The following B4GALT1 variants were observed in gnomAD, a reference collection of about 807,000 sequenced individuals.
B4GALT1 encodes the protein N-acetyllactosamine synthase.
B4GALT1 carries 16 observed loss-of-function variants against 34.9 expected under a neutral mutation model. That is an observed-to-expected ratio of 0.46 (90% confidence interval 0.31 to 0.70). The LOEUF (loss-of-function observed/expected upper bound fraction) is 0.70. Among genes scored for constraint, B4GALT1 ranks in the 30% least tolerant of loss-of-function variants. The pLI, the probability that B4GALT1 is intolerant of heterozygous loss-of-function variation, is 0.05. For synonymous variants in B4GALT1, 221 were observed against 218.1 expected (o/e 1.01, Z -0.12); for missense variants, 445 against 530.5 (o/e 0.84, Z 1.58).
At chr9:33,126,239 T>G (rs557636770) in intron 2 of B4GALT1, among the ~76,000 whole-genome samples, 34 of 152,150 alleles carry the variant, frequency 2.2e-4, no homozygotes, top group African/African-American at 8.2e-4. Context: ...CATGAAACAG[T>G]AACAGATCAG....
intron 4 of B4GALT1, among the ~76,000 whole-genome samples, chr9:33,114,231 T>C (rs1373672958): frequency 6.6e-6 from 1 of 152,208 alleles, no homozygotes; most frequent in Non-Finnish European, 1.5e-5. Flanking sequence ...GGAAGAAGCA[T>C]AGAGTTTGTA....
downstream of B4GALT1, among the ~76,000 whole-genome samples, chr9:33,108,458 A>AG: frequency 6.6e-6 from 1 of 151,736 alleles, no homozygotes; most frequent in Middle Eastern, 3.4e-3. Context: ...AAAAAAAAAA[A>AG]AAAAAATTCT....
At chr9:33,105,876 G>A (rs888973666), downstream of B4GALT1, among the ~76,000 whole-genome samples, 7 of 112,290 alleles carry the variant, frequency 6.2e-5, no homozygotes, top group Non-Finnish European at 9.3e-5. Flanking sequence ...CAATGGACTC[G>A]TGGGTTTTTT....
At chr9:33,114,312 A>G (rs1469603430) in intron 4 of B4GALT1, among the ~76,000 whole-genome samples, 1 of 152,216 alleles carries the variant, frequency 6.6e-6, no homozygotes, top group African/African-American at 2.4e-5. Flanking sequence ...CATTTTGGGC[A>G]GCCAGGATGG....
At chr9:33,127,043 G>T (rs1189256078) in intron 2 of B4GALT1, among the ~76,000 whole-genome samples, 2 of 152,070 alleles carry the variant, frequency 1.3e-5, no homozygotes, top group African/African-American at 4.8e-5. Context: ...CTCACTGCAA[G>T]CTCCGCCTCC....
intron 1 of B4GALT1, among the ~76,000 whole-genome samples, chr9:33,157,063 TAC>T (rs371027641): frequency 0.44 from 38,045 of 86,982 alleles, 8,599 homozygotes; most frequent in Admixed American, 0.54. Flanking sequence ...CATAGGGAAC[TAC>T]ACACACACAC....
chr9:33,164,013 A>G (rs913639648), intron 1 of B4GALT1, among the ~76,000 whole-genome samples: 1 of 152,122 alleles, frequency 6.6e-6, no homozygotes, highest in African/African-American at 2.4e-5. Context: ...ACCCAAGTCT[A>G]TCTGAAGACT....
the B4GALT1 span, among the ~76,000 whole-genome samples, chr9:33,173,467 C>G: frequency 1.3e-5 from 2 of 150,154 alleles, no homozygotes; most frequent in Non-Finnish European, 3.0e-5. Flanking sequence ...AAGTTTCTGA[C>G]AGTCAGAGGA....
rs548041560 is a variant in B4GALT1 at position 33,137,852 on chromosome 9, GC to G, written c.413-2429del. Among the ~76,000 whole-genome samples, 133 of 152,294 alleles carry G rather than the reference GC, an allele frequency of 8.7e-4. 1 individual carries two copies. The highest frequency in any genetic ancestry group is 1.4e-3 in the Non-Finnish European group (94 of 68,014). The stretch of plus-strand genomic sequence containing the variant: ...TCCCCACAAGGTCAGCCAGGCCTGG[GC>G]TGCCCAACACCCAACCCTGGGCAAA... On this transcript the variant is annotated intron_variant, in intron 1 of 5. Coordinates refer to ENST00000379731, the MANE Select transcript of B4GALT1 (RefSeq NM_001497.4).
intron 1 of B4GALT1, among the ~76,000 whole-genome samples, chr9:33,160,781 A>C (rs77998537): frequency 6.6e-6 from 1 of 152,126 alleles, no homozygotes; most frequent in African/African-American, 2.4e-5. Flanking sequence ...AAGAAAAAAA[A>C]ATATATCAGC....
chr9:33,113,927 G>C, intron 4 of B4GALT1, 49 bp from the exon 5 acceptor site: 1 of 1,556,980 alleles, frequency 6.4e-7, no homozygotes, highest in Non-Finnish European at 8.9e-7. Context: ...CCATACACTT[G>C]GCCTGAGAGC....
chr9:33,138,201 G>T (rs531510117), intron 1 of B4GALT1, among the ~76,000 whole-genome samples: 6 of 152,162 alleles, frequency 3.9e-5, no homozygotes, highest in Non-Finnish European at 8.8e-5. Flanking sequence ...TCAGAAAGGT[G>T]GTCCTGAAGT....
downstream of B4GALT1, among the ~76,000 whole-genome samples, chr9:33,105,720 G>A (rs916777536): frequency 2.6e-5 from 4 of 152,088 alleles, no homozygotes; most frequent in South Asian, 2.1e-4. Context: ...GCAATCATAT[G>A]ATATTTGTCC....
intron 3 of B4GALT1, among the ~76,000 whole-genome samples, chr9:33,118,088 C>G (rs1337723881): frequency 1.3e-5 from 2 of 152,134 alleles, no homozygotes; most frequent in African/African-American, 2.4e-5. Flanking sequence ...AGGGATGAAT[C>G]AAGAGGGGTC....
chr9:33,125,534 A>G lies in B4GALT1; in HGVS notation c.649-4928T>C, dbSNP rs571690409. Among the ~76,000 whole-genome samples the G allele has an allele frequency of 7.2e-5, 11 of 152,318 alleles. No homozygotes were observed. The South Asian group carries it at 2.3e-3, about 32-fold the overall frequency. On this transcript the variant is annotated intron_variant, in intron 2 of 5. Transcript: ENST00000379731. Reference sequence around the variant, plus strand: ...GTTGTATGATTCCTATGAGGCAACAACCGTGGGTAAGCAGACAGTGCCTCC... The same window carrying G: ...GTTGTATGATTCCTATGAGGCAACAGCCGTGGGTAAGCAGACAGTGCCTCC...
At chr9:33,118,795 C>T (rs1839978919) in intron 3 of B4GALT1, among the ~76,000 whole-genome samples, 1 of 152,122 alleles carries the variant, frequency 6.6e-6, no homozygotes. Flanking sequence ...ACCTGCAGCA[C>T]AGCTCCTGGA....
intron 1 of B4GALT1, among the ~76,000 whole-genome samples, chr9:33,148,367 A>G (rs1287876567): frequency 6.6e-6 from 1 of 152,234 alleles, no homozygotes; most frequent in Non-Finnish European, 1.5e-5. Flanking sequence ...ACGGAGACAC[A>G]GAGCCTGTCA....
the B4GALT1 span, among the ~76,000 whole-genome samples, chr9:33,177,024 A>T: frequency 1.3e-5 from 2 of 152,188 alleles, no homozygotes; most frequent in African/African-American, 2.4e-5. Context: ...GTTTTAATTT[A>T]CTTTGAGCAT....
At chr9:33,108,855 A>G (rs1431299846), downstream of B4GALT1, 2 of 152,124 alleles carry the variant, frequency 1.3e-5, no homozygotes, top group East Asian at 1.9e-4. Context: ...CAGAGCCCCT[A>G]AAACTCTTAT....
Sources: allele counts gnomAD v4.1 joint callset (sites outside exome capture counted in the v4.1 genomes callset), GRCh38; gene constraint gnomAD v4.1.1; transcripts MANE v1.5; gene names NCBI Gene and HGNC (gene_info 2026-07-23, HGNC 2026-07-21).